The following SLC25A41 variants were observed in gnomAD, a reference collection of about 807,000 sequenced individuals.
SLC25A41 encodes solute carrier family 25 member 41.
In SLC25A41, 35 loss-of-function variants were observed where a neutral mutation model predicts 34.7. The observed-to-expected ratio is 1.01, with a 90% CI of 0.77 to 1.34. The LOEUF (loss-of-function observed/expected upper bound fraction) is 1.34, where lower values mean the gene tolerates loss of function less well. SLC25A41 is among the 40% of genes most tolerant of loss of function. The probability of loss-of-function intolerance (pLI) is 0.00; values close to 1 mark genes in which losing one functional copy is unlikely to be tolerated. For synonymous variants in SLC25A41, 190 were observed against 209.9 expected (o/e 0.91, Z 0.82); for missense variants, 492 against 489.8 (o/e 1.00, Z -0.04).
rs373334886 is a variant in SLC25A41 at position 6,426,585 on chromosome 19, G to A, written c.941-24C>T. 6.2e-6 allele frequency: 10 copies of A among 1,606,022 alleles called. No individual in the cohort carries two copies. In the African/African-American group the frequency reaches 1.3e-4, roughly 21 times the overall value. ...ATCTGCAGGGACACAGGCAAGATCA[G>A]GACTAGGCCAGAGATGACCGGGCCT... On this transcript the variant is annotated intron_variant, in intron 6 of 6. Transcript: ENST00000321510.
chr19:6,430,461 C>A, intron 2 of SLC25A41: 2 of 504,820 alleles, frequency 4.0e-6, no homozygotes, highest in South Asian at 2.1e-5. Flanking sequence ...TGTTCCCTCC[C>A]TCCCTCCCTT....
At chr19:6,434,259 G>A (rs77032303), upstream of SLC25A41, among the ~76,000 whole-genome samples, 2,000 of 152,196 alleles carry the variant, frequency 0.013, 52 homozygotes, top group African/African-American at 0.045. Flanking sequence ...TTCTTATGTT[G>A]AAGCCCTATT....
At position 6,432,202 on chromosome 19, in the gene SLC25A41, T is replaced by C. The variant is rs61748927; in HGVS notation, c.210A>G (p.Val70=). 0.014 allele frequency: 22,467 copies of C among 1,613,144 alleles called. 218 individuals carry two copies. The highest frequency in any genetic ancestry group is 0.028 in the South Asian group (2,522 of 91,022). The change falls in exon 2 of 7, where the codon GTA becomes GTG. Residue 70 remains valine, a splice_region_variant and synonymous_variant. Transcript: ENST00000321510. ...NNLEHLPSQQ[V]LDTGEQLMVP... Reference sequence around the variant, plus strand: ...CCATCAGCTGCTCTCCTGTGTCCAGTACCTGCAGGGCAGACCCGGCCCTCC... The same window carrying C: ...CCATCAGCTGCTCTCCTGTGTCCAGCACCTGCAGGGCAGACCCGGCCCTCC...
intron 2 of SLC25A41, among the ~76,000 whole-genome samples, chr19:6,430,782 C>T (rs536438354): frequency 6.6e-6 from 1 of 152,210 alleles, no homozygotes; most frequent in African/African-American, 2.4e-5. Flanking sequence ...GCCACCGCGC[C>T]TGGCCTTCTT....
chr19:6,434,959 A>G (rs2092302098), upstream of SLC25A41, among the ~76,000 whole-genome samples: 1 of 151,936 alleles, frequency 6.6e-6, no homozygotes, highest in Non-Finnish European at 1.5e-5. Flanking sequence ...GCCGTGGCTC[A>G]TTCCTATAAT....
intron 4 of SLC25A41, among the ~76,000 whole-genome samples, chr19:6,429,026 T>C (rs1230757666): frequency 3.0e-5 from 1 of 33,098 alleles, no homozygotes; most frequent in Non-Finnish European, 4.6e-5. Flanking sequence ...TGAAAATTTA[T>C]ATATATATAT....
In SLC25A41 at chr19:6,432,050, T is replaced by G; in HGVS notation, c.362A>C (p.Gln121Pro). The part of the protein sequence containing the change: ...APLDRAKVYM[Q>P]VYSSKTNFTN... ...GTCCTCCCCCCAACCCACACAAACC[T>G]GCATGTACACCTTGGCTCTGTCCAG... Residue 121 changes from glutamine (Q) to proline (P), a missense_variant and splice_region_variant, in exon 2 of 7, where the codon CAG becomes CCG. Physicochemically the swap from Gln to Pro is moderately conservative, Grantham distance 76. Coordinates refer to ENST00000321510, the MANE Select transcript of SLC25A41 (RefSeq NM_173637.4). 1 of 1,610,646 alleles carries G rather than the reference T, an allele frequency of 6.2e-7. No homozygotes were observed. The highest frequency in any genetic ancestry group is 8.5e-7 in the Non-Finnish European group (1 of 1,178,126).
In SLC25A41 at chr19:6,427,107, G is replaced by A; in HGVS notation, c.936C>T (p.Ala312=). The A allele has an allele frequency of 6.2e-7, 1 of 1,600,594 alleles. No homozygotes were observed. Among genetic ancestry groups the A allele is most frequent in the Non-Finnish European group, 8.5e-7 (1 of 1,174,554 alleles). Residue 312 remains alanine, a synonymous_variant, in exon 6 of 7, where the codon GCC becomes GCT. Transcript: ENST00000321510. This position sits in a 1 kb window ranked among gnomAD's most constrained non-coding sequence, Gnocchi z 4.9. The part of the protein sequence containing the change: ...PLTLVRTRMQ[A]QDTVEGSNPT... ...GGCCGCTGGGGACAGGCTGACCTTG[G>A]GCCTGCATCCTGGTGCGCACCAGAG... is the stretch of plus-strand genomic sequence containing the variant.
In SLC25A41 at chr19:6,426,313, G is replaced by A. The variant is rs767994556; in HGVS notation, c.*76C>T. 5 of 1,378,240 alleles carry A rather than the reference G, an allele frequency of 3.6e-6. No homozygotes were observed. Among genetic ancestry groups the A allele is most frequent in the East Asian group, 5.5e-5 (2 of 36,188 alleles). 85.4% of individuals were successfully genotyped at this position (1,378,240 alleles called of 1,614,324 possible). ...CCCAGGGCCTGAACCTTGAGGCCTC[G>A]AGGGCTCTTTGGGGCCAGGGGTCAT... On this transcript the variant is annotated 3_prime_UTR_variant, in exon 7 of 7. Coordinates refer to ENST00000321510, the MANE Select transcript of SLC25A41 (RefSeq NM_173637.4).
upstream of SLC25A41, among the ~76,000 whole-genome samples, chr19:6,433,988 G>T (rs2092297308): frequency 6.6e-6 from 1 of 152,154 alleles, no homozygotes. Context: ...CAGTCTCCCA[G>T]GCTGGAGTGC....
Position 6,433,511 on chromosome 19 carries a change from G to A in SLC25A41, c.183C>T (p.Asn61=). 1 of 1,611,276 alleles carries A rather than the reference G, an allele frequency of 6.2e-7. No individual in the cohort carries two copies. ...CCTGCTGTGACGGGAGATGTTCAAG[G>A]TTGTTGTCATGCATGTGGCCAAACG... The part of the protein sequence containing the change: ...GYAFGHMHDN[N]LEHLPSQQVL... Residue 61 remains asparagine, a synonymous_variant, in exon 1 of 7, where the codon AAC becomes AAT. Transcript: ENST00000321510.
upstream of SLC25A41, among the ~76,000 whole-genome samples, chr19:6,434,479 C>G (rs1002490017): frequency 2.0e-5 from 3 of 152,196 alleles, no homozygotes; most frequent in African/African-American, 7.2e-5. Context: ...TAGCCAGCCA[C>G]CTTAACCTTG....
chr19:6,431,921 A>C (rs1568351514), intron 2 of SLC25A41, 128 bp downstream of exon 2: 1 of 1,155,484 alleles, frequency 8.7e-7, no homozygotes. Flanking sequence ...CAGCTAGTCC[A>C]GGAGAGCCCA....
upstream of SLC25A41, among the ~76,000 whole-genome samples, chr19:6,435,502 CCT>C (rs1295062396): frequency 6.7e-6 from 1 of 150,228 alleles, no homozygotes; most frequent in Non-Finnish European, 1.5e-5. Flanking sequence ...AGGTGGATCA[CCT>C]GAGGTCAGGA....
rs1258775674 is a variant in SLC25A41, at chr19:6,429,046, ATAT to A, written c.624+675_624+677del. Among the ~76,000 whole-genome samples the A allele has an allele frequency of 7.6e-3, 406 of 53,154 alleles. 79 individuals are homozygous for A. The highest frequency in any genetic ancestry group is 0.042 in the African/African-American group (390 of 9,352). 34.9% of individuals were successfully genotyped at this position (53,154 alleles called of 152,430 possible). On this transcript the variant is annotated intron_variant, in intron 4 of 6. Coordinates refer to ENST00000321510, the MANE Select transcript of SLC25A41 (RefSeq NM_173637.4). ...ATTTATATATATATATATAATATAT[ATAT>A]TATATATATGTTATATATATATATA...
intron 4 of SLC25A41, among the ~76,000 whole-genome samples, chr19:6,428,716 TA>T (rs1313846273): frequency 2.7e-4 from 40 of 145,640 alleles, no homozygotes; most frequent in Middle Eastern, 3.6e-3. Context: ...CATATATATA[TA>T]TATATTTTTT....
intron 2 of SLC25A41, among the ~76,000 whole-genome samples, chr19:6,431,501 G>A (rs1195777355): frequency 6.6e-6 from 1 of 150,576 alleles, no homozygotes; most frequent in Non-Finnish European, 1.5e-5. Context: ...GTGCAGTGAT[G>A]CAATCTCGGC....
At position 6,428,587 on chromosome 19, in the gene SLC25A41, G is replaced by A. The variant is rs563284402; in HGVS notation, c.625-1086C>T. On this transcript the variant is annotated intron_variant, in intron 4 of 6. Transcript: ENST00000321510. ...TTATATTACATAGTATATAATAAAT[G>A]TAATTATATAATTAGATACATTAAA... is the stretch of plus-strand genomic sequence containing the variant. Among the ~76,000 whole-genome samples the A allele has an allele frequency of 2.7e-5, 4 of 145,874 alleles. No individual in the cohort carries two copies. The South Asian group carries it at 6.3e-4, about 23-fold the overall frequency.
chr19:6,427,307 C>G lies in SLC25A41; in HGVS notation c.792+27G>C. 6.2e-7 allele frequency: 1 copy of G among 1,605,718 alleles called. No individual in the cohort carries two copies. The highest frequency in any genetic ancestry group is 1.7e-4 in the Middle Eastern group (1 of 6,016). On this transcript the variant is annotated intron_variant, in intron 5 of 6. Transcript: ENST00000321510. This position sits in a 1 kb window ranked among gnomAD's most constrained non-coding sequence, Gnocchi z 4.9. ...CTAGGAGCCTGGGCTCCGGCCAGCC[C>G]TGCCACCCCCTCTGCAGGACCCATA...
Sources: allele counts gnomAD v4.1 joint callset (sites outside exome capture counted in the v4.1 genomes callset), GRCh38; gene constraint gnomAD v4.1.1; non-coding constraint Gnocchi (gnomAD v3.1); transcripts MANE v1.5; gene names NCBI Gene and HGNC (gene_info 2026-07-23, HGNC 2026-07-21).